ARL6IP6: variants seen among roughly 807,000 people sequenced by gnomAD.
ARL6IP6 encodes the protein ARF like GTPase 6 interacting protein 6.
In ARL6IP6, 22 loss-of-function variants were observed where a neutral mutation model predicts 21.5. That is an observed-to-expected ratio of 1.02 (90% confidence interval 0.73 to 1.46). The LOEUF is 1.46. Among genes scored for constraint, ARL6IP6 ranks in the 40% most tolerant of loss-of-function variants. The pLI, the probability that ARL6IP6 is intolerant of heterozygous loss-of-function variation, is 0.00. For synonymous variants in ARL6IP6, 164 were observed against 125.3 expected (o/e 1.31, Z -2.06); for missense variants, 388 against 299.8 (o/e 1.29, Z -2.17).
In ARL6IP6 at chr2:152,718,876, C is replaced by CGAT. The variant is rs751015196; in HGVS notation, c.253_255dup (p.Asp85dup). ...ACGGGAACGGGTCGCCCGTTCTGCC[C>CGAT]GATAAGCGCAATGGTATCTTTCCCG... is the stretch of plus-strand genomic sequence containing the variant. On this transcript the variant is annotated inframe_insertion, in exon 1 of 4. Transcript: ENST00000326446. 4 of 1,613,634 alleles carry CGAT rather than the reference C, an allele frequency of 2.5e-6. No individual in the cohort carries two copies. Among genetic ancestry groups the CGAT allele is most frequent in the Non-Finnish European group, 3.4e-6 (4 of 1,179,852 alleles).
At chr2:152,725,964 G>GATAA (rs58480378) in intron 2 of ARL6IP6, among the ~76,000 whole-genome samples, 21,911 of 152,080 alleles carry the variant, frequency 0.14, 1,724 homozygotes, top group Middle Eastern at 0.24. Flanking sequence ...GGACTTATAT[G>GATAA]ATAAAAATAT....
At chr2:152,757,011 G>A (rs1404138743) in intron 3 of ARL6IP6, among the ~76,000 whole-genome samples, 1 of 152,118 alleles carries the variant, frequency 6.6e-6, no homozygotes, top group African/African-American at 2.4e-5. Context: ...ACACCCATCA[G>A]TAGTAAAATG....
chr2:152,752,616 G>A (rs967267255), intron 3 of ARL6IP6, among the ~76,000 whole-genome samples: 1 of 152,174 alleles, frequency 6.6e-6, no homozygotes, highest in African/African-American at 2.4e-5. Context: ...AGTTTTCTGG[G>A]TTTTAAGTAC....
chr2:152,751,155 A>G (rs1701309214), intron 3 of ARL6IP6, among the ~76,000 whole-genome samples: 2 of 152,122 alleles, frequency 1.3e-5, no homozygotes, highest in African/African-American at 2.4e-5. Context: ...TTTTACTTGA[A>G]TGGAAATTTT....
At chr2:152,752,395 G>A (rs953302244) in intron 3 of ARL6IP6, among the ~76,000 whole-genome samples, 11 of 152,156 alleles carry the variant, frequency 7.2e-5, no homozygotes, top group African/African-American at 2.4e-4. Flanking sequence ...TTGGTCATGC[G>A]TGCCTCTAGT....
chr2:152,743,636 A>G (rs1425228763), intron 3 of ARL6IP6, among the ~76,000 whole-genome samples: 2 of 152,194 alleles, frequency 1.3e-5, no homozygotes, highest in Non-Finnish European at 2.9e-5. Context: ...GCTCCTTAAT[A>G]GGACTATTAT....
intron 2 of ARL6IP6, among the ~76,000 whole-genome samples, chr2:152,721,171 G>A (rs1364916385): frequency 3.9e-5 from 6 of 152,120 alleles, no homozygotes; most frequent in Non-Finnish European, 8.8e-5. Flanking sequence ...AAACACAACT[G>A]CATGTGACTC....
Position 152,759,826 on chromosome 2 carries a change from T to C in ARL6IP6, c.667T>C (p.Trp223Arg). Residue 223 changes from tryptophan (W) to arginine (R), a missense_variant, in exon 4 of 4, where the codon TGG becomes CGG. Trp to Arg is a moderately radical substitution (Grantham distance 101, BLOSUM62 -3). Coordinates refer to ENST00000326446, the MANE Select transcript of ARL6IP6 (RefSeq NM_152522.7). ...NGIVAALTVA[W>R]CLM is the part of the protein sequence containing the mutation. Reference sequence around the variant, plus strand: ...CATCGTAGCTGCTCTTACTGTAGCATGGTGCCTCATGTAAACCCACACTGG... The same window carrying C: ...CATCGTAGCTGCTCTTACTGTAGCACGGTGCCTCATGTAAACCCACACTGG... 4 of 1,612,962 alleles carry C rather than the reference T, an allele frequency of 2.5e-6. No homozygotes were observed. The highest frequency in any genetic ancestry group is 3.4e-6 in the Non-Finnish European group (4 of 1,179,016).
At chr2:152,755,883 A>G (rs1211380092) in intron 3 of ARL6IP6, among the ~76,000 whole-genome samples, 1 of 152,186 alleles carries the variant, frequency 6.6e-6, no homozygotes, top group Non-Finnish European at 1.5e-5. Context: ...TGGACCCTAC[A>G]TGTGTATATC....
At chr2:152,743,601 T>C (rs1004252002) in intron 3 of ARL6IP6, among the ~76,000 whole-genome samples, 2 of 152,198 alleles carry the variant, frequency 1.3e-5, no homozygotes, top group African/African-American at 2.4e-5. Context: ...GAAATCATTG[T>C]GAAGGGAGTT....
chr2:152,741,358 ATAG>A (rs1395029994), intron 3 of ARL6IP6, among the ~76,000 whole-genome samples: 1 of 151,646 alleles, frequency 6.6e-6, no homozygotes, highest in Non-Finnish European at 1.5e-5. Context: ...GTTTGTTAAA[ATAG>A]TAGTCTTTTG....
chr2:152,733,954 A>G (rs944696803), intron 2 of ARL6IP6, among the ~76,000 whole-genome samples: 1 of 152,196 alleles, frequency 6.6e-6, no homozygotes, highest in Non-Finnish European at 1.5e-5. Context: ...TGGGTGAATA[A>G]GTGAGTTAAT....
chr2:152,720,356 C>T (rs1282007307), intron 1 of ARL6IP6, 177 bp from the exon 2 acceptor site: 4 of 643,172 alleles, frequency 6.2e-6, no homozygotes, highest in Non-Finnish European at 1.1e-5. Flanking sequence ...CCTTAGTGGT[C>T]AACACATTAA....
chr2:152,744,210 G>T (rs1700943882), intron 3 of ARL6IP6, among the ~76,000 whole-genome samples: 1 of 152,096 alleles, frequency 6.6e-6, no homozygotes, highest in South Asian at 2.1e-4. Flanking sequence ...TCATCTCACA[G>T]ATAGTCATTT....
intron 3 of ARL6IP6, among the ~76,000 whole-genome samples, chr2:152,739,581 A>G (rs1441464463): frequency 1.3e-5 from 2 of 152,122 alleles, no homozygotes; most frequent in African/African-American, 2.4e-5. Flanking sequence ...GGAAGTTGCA[A>G]ACTTTCCCAC....
intron 1 of ARL6IP6, among the ~76,000 whole-genome samples, chr2:152,719,588 T>C (rs1699623032): frequency 6.6e-6 from 1 of 152,170 alleles, no homozygotes; most frequent in South Asian, 2.1e-4. Flanking sequence ...CGTCCTCTAA[T>C]AATTTTGTTT....
rs749535266 is a variant in ARL6IP6, at chr2:152,720,556, AATGAAGATG to A, written c.428_436del (p.Glu143_Asp145del). 5 of 1,613,966 alleles carry A rather than the reference AATGAAGATG, an allele frequency of 3.1e-6. No homozygotes were observed. The highest frequency in any genetic ancestry group is 4.2e-6 in the Non-Finnish European group (5 of 1,179,978). On this transcript the variant is annotated inframe_deletion, in exon 2 of 4. Coordinates refer to ENST00000326446, the MANE Select transcript of ARL6IP6 (RefSeq NM_152522.7). ...AGAGTTGCATGCTGAGAATTTGAAA[AATGAAGATG>A]ATGTAGACACTGGACTATTAGGTAT...
chr2:152,754,745 A>G (rs181419515), intron 3 of ARL6IP6, among the ~76,000 whole-genome samples: 17 of 152,164 alleles, frequency 1.1e-4, no homozygotes, highest in Admixed American at 7.9e-4. Flanking sequence ...TTCTTTTTTT[A>G]AATTATAACC....
chr2:152,747,567 CT>C (rs113781031), intron 3 of ARL6IP6, among the ~76,000 whole-genome samples: 20 of 147,200 alleles, frequency 1.4e-4, no homozygotes, highest in Non-Finnish European at 1.8e-4. Flanking sequence ...ATTTCTCTCT[CT>C]TTTTTTTTTT....
Sources: gnomAD v4.1 joint callset for allele counts (sites outside exome capture counted in the v4.1 genomes callset) on GRCh38, gnomAD v4.1.1 for gene constraint, MANE v1.5 for transcripts, NCBI Gene and HGNC (gene_info 2026-07-23, HGNC 2026-07-21) for gene names.